UNK: variants seen among roughly 807,000 people sequenced by gnomAD.
UNK encodes the protein unk zinc finger.
UNK carries 32 observed loss-of-function variants against 97.6 expected under a neutral mutation model. That is an observed-to-expected ratio of 0.33 (90% CI 0.25 to 0.44). The LOEUF (loss-of-function observed/expected upper bound fraction) is 0.44. Among genes scored for constraint, UNK ranks in the 20% least tolerant of loss-of-function variants. The pLI is 1.00. For missense variants in UNK, 771 were observed against 1,098.4 expected (o/e 0.70, Z 4.21); for synonymous variants, 441 against 461.2 (o/e 0.96, Z 0.56).
rs2062113657 is a variant in UNK, at chr17:75,825,647, G to A, written c.*1230G>A. On this transcript the variant is annotated 3_prime_UTR_variant, in exon 16 of 16. Coordinates refer to ENST00000589666, the MANE Select transcript of UNK (RefSeq NM_001080419.3). This position sits in a 1 kb window ranked among gnomAD's most constrained non-coding sequence, Gnocchi z 4.4. ...CACCGGGTGTCTGCGGTAGGAACAA[G>A]AGGGCTGAGAGGGTCTGGTCCTGGC... The A allele has an allele frequency of 6.6e-6, 1 of 152,348 alleles. No individual in the cohort carries two copies. The highest frequency in any genetic ancestry group is 6.5e-5 in the Admixed American group (1 of 15,294). The allele number at this position is 152,348 out of a possible 1,614,324, so 9.4% of individuals were successfully genotyped here.
chr17:75,820,933 C>G (rs982541888), intron 13 of UNK, among the ~76,000 whole-genome samples: 1 of 152,318 alleles, frequency 6.6e-6, no homozygotes, highest in East Asian at 1.9e-4. Context: ...CCCAGAACAG[C>G]ACATGGATTT....
intron 1 of UNK, among the ~76,000 whole-genome samples, chr17:75,802,571 C>T (rs1276352314): frequency 6.6e-6 from 1 of 152,084 alleles, no homozygotes; most frequent in African/African-American, 2.4e-5. Flanking sequence ...TATTTCCTTA[C>T]AGCAGAATTT....
Position 75,812,198 on chromosome 17 carries a change from C to T in UNK, c.401C>T (p.Thr134Ile). Residue 134 changes from threonine (T) to isoleucine (I), a missense_variant, in exon 3 of 16, where the codon ACA becomes ATA. Transcript: ENST00000589666. ...YYKTGICIHE[T>I]DSKGNCTKNG... The stretch of plus-strand genomic sequence containing the variant: ...AAAACTGGAATCTGCATCCACGAGA[C>T]AGACTCGAAAGGCAACTGCACCAAA... 1 of 1,614,106 alleles carries T rather than the reference C, an allele frequency of 6.2e-7. No homozygotes were observed. Among genetic ancestry groups the T allele is most frequent in the Non-Finnish European group, 8.5e-7 (1 of 1,179,948 alleles).
At chr17:75,794,473 C>T (rs918853422) in intron 1 of UNK, among the ~76,000 whole-genome samples, 35 of 151,962 alleles carry the variant, frequency 2.3e-4, no homozygotes, top group African/African-American at 7.7e-4. Flanking sequence ...CCCGTCTCTA[C>T]TAAAAATACA....
chr17:75,794,638 CAAA>C (rs57508407), intron 1 of UNK, among the ~76,000 whole-genome samples: 1 of 123,466 alleles, frequency 8.1e-6, no homozygotes, highest in African/African-American at 2.9e-5. Context: ...AACTCCGTCT[CAAA>C]AAAAAAAAAA....
chr17:75,790,174 T>A (rs2061750880), intron 1 of UNK, among the ~76,000 whole-genome samples: 1 of 146,004 alleles, frequency 6.8e-6, no homozygotes, highest in Non-Finnish European at 1.5e-5. Flanking sequence ...ATACAAAAAT[T>A]AGCTGGGTGT....
intron 1 of UNK, among the ~76,000 whole-genome samples, chr17:75,786,596 C>T (rs1485269615): frequency 6.6e-6 from 1 of 152,180 alleles, no homozygotes; most frequent in African/African-American, 2.4e-5. Flanking sequence ...GTAGCTCTCA[C>T]GCCTGTAATC....
At chr17:75,791,991 C>A (rs2061767227) in intron 1 of UNK, 1 of 985,362 alleles carries the variant, frequency 1.0e-6, no homozygotes, top group African/African-American at 1.7e-5. Context: ...TACACGTCCT[C>A]CCGCTTTTCA....
chr17:75,785,378 A>G (rs1030847454), intron 1 of UNK: 5 of 170,702 alleles, frequency 2.9e-5, no homozygotes, highest in South Asian at 2.8e-4. Flanking sequence ...GAACCCACCT[A>G]TGAATGATGA....
intron 1 of UNK, chr17:75,809,111 G>T: frequency 6.8e-6 from 1 of 146,798 alleles, no homozygotes; most frequent in South Asian, 2.2e-4. Context: ...GGGGCGGGGG[G>T]GCGGGTATCT....
At chr17:75,797,528 C>T (rs1390191558) in intron 1 of UNK, among the ~76,000 whole-genome samples, 2 of 152,268 alleles carry the variant, frequency 1.3e-5, no homozygotes, top group Non-Finnish European at 2.9e-5. Context: ...AGCTACCACA[C>T]CTGGCCTATA....
chr17:75,805,844 G>A (rs1408964915), intron 1 of UNK, among the ~76,000 whole-genome samples: 1 of 147,790 alleles, frequency 6.8e-6, no homozygotes, highest in Non-Finnish European at 1.5e-5. Flanking sequence ...GTGTGTGTGT[G>A]TATAATATAT....
chr17:75,801,852 C>CTT (rs768109419), intron 1 of UNK, among the ~76,000 whole-genome samples: 14 of 136,574 alleles, frequency 1.0e-4, no homozygotes, highest in Non-Finnish European at 2.1e-4. Context: ...TCCCCCCAGC[C>CTT]TTTTTTTTTT....
In UNK at chr17:75,819,318, C is replaced by T; in HGVS notation, c.1547-366C>T. The T allele has an allele frequency of 3.0e-6, 1 of 328,094 alleles. No homozygotes were observed. Among genetic ancestry groups the T allele is most frequent in the Non-Finnish European group, 5.7e-6 (1 of 175,478 alleles). The allele number at this position is 328,094 out of a possible 1,614,324, so 20.3% of individuals were successfully genotyped here. ...ACATTTGTCAAGCACCTGCTATACA[C>T]CAGCCACTGAGTGCCCAGAGACCCG... On this transcript the variant is annotated intron_variant, in intron 11 of 15. Transcript: ENST00000589666. The surrounding 1 kb of genome is among the most constrained non-coding windows in gnomAD (Gnocchi z 5.4).
At chr17:75,792,817 TTA>T (rs762849427) in intron 1 of UNK, among the ~76,000 whole-genome samples, 2 of 152,262 alleles carry the variant, frequency 1.3e-5, no homozygotes, top group African/African-American at 4.8e-5. Context: ...GCTCTCTGAA[TTA>T]TATCTCAAAT....
At chr17:75,797,842 G>A (rs2061820647) in intron 1 of UNK, among the ~76,000 whole-genome samples, 1 of 152,158 alleles carries the variant, frequency 6.6e-6, no homozygotes, top group African/African-American at 2.4e-5. Flanking sequence ...ACATCTTGCT[G>A]TTCACTGCAT....
chr17:75,814,928 G>T (rs1432404718), intron 6 of UNK, among the ~76,000 whole-genome samples: 7 of 152,182 alleles, frequency 4.6e-5, no homozygotes, highest in African/African-American at 1.7e-4. Context: ...ATCCCTTTGG[G>T]AGGGCTGGTG....
intron 7 of UNK, among the ~76,000 whole-genome samples, chr17:75,815,680 T>C (rs1030086369): frequency 4.6e-4 from 70 of 152,316 alleles, no homozygotes; most frequent in African/African-American, 1.5e-3. Context: ...AATCCCCATA[T>C]GTCATTTTAA....
chr17:75,785,938 G>C (rs996783338), intron 1 of UNK: 1 of 152,108 alleles, frequency 6.6e-6, no homozygotes. Context: ...TTGGAACCTG[G>C]GGGGTTGAAC....
Sources: gnomAD v4.1 joint callset for allele counts (sites outside exome capture counted in the v4.1 genomes callset) on GRCh38, gnomAD v4.1.1 for gene constraint, Gnocchi (gnomAD v3.1) non-coding constraint, MANE v1.5 for transcripts, NCBI Gene and HGNC (gene_info 2026-07-23, HGNC 2026-07-21) for gene names.